Variants in PIK3C2G observed in about 807,000 individuals in gnomAD.
PIK3C2G encodes the protein phosphatidylinositol 3-kinase C2 domain-containing subunit gamma.
A neutral mutation model predicts 181.1 loss-of-function variants in PIK3C2G; 168 were observed. The observed-to-expected ratio is 0.93, with a 90% CI of 0.82 to 1.05. The LOEUF (loss-of-function observed/expected upper bound fraction) is 1.05. Among genes scored for constraint, PIK3C2G ranks in the 50% least tolerant of loss-of-function variants. PIK3C2G has a pLI of 0.00. For synonymous variants in PIK3C2G, 573 were observed against 592.2 expected (o/e 0.97, Z 0.47); for missense variants, 1,869 against 1,732.8 (o/e 1.08, Z -1.40).
intron 30 of PIK3C2G, chr12:18,607,143 A>G (rs930632356): frequency 2.1e-5 from 11 of 516,478 alleles, no homozygotes; most frequent in African/African-American, 1.9e-4. Context: ...AGATGACCAC[A>G]CAAACTATTT....
intron 11 of PIK3C2G, among the ~76,000 whole-genome samples, chr12:18,349,711 T>G (rs1020650818): frequency 6.6e-6 from 1 of 152,162 alleles, no homozygotes; most frequent in East Asian, 1.9e-4. Context: ...TGAGATAAAT[T>G]TATCGTTTTG....
At chr12:18,599,809 T>C (rs1947609292) in intron 30 of PIK3C2G, among the ~76,000 whole-genome samples, 1 of 151,844 alleles carries the variant, frequency 6.6e-6, no homozygotes, top group Non-Finnish European at 1.5e-5. Context: ...GTCACAATCT[T>C]GATGAAGAAA....
chr12:18,655,292 A>G, the PIK3C2G span, among the ~76,000 whole-genome samples: 2 of 152,312 alleles, frequency 1.3e-5, no homozygotes, highest in East Asian at 3.9e-4. Context: ...TCCCAAAGAC[A>G]CAGGAGCCAA....
the PIK3C2G span, chr12:18,713,114 A>C: frequency 7.8e-7 from 1 of 1,276,188 alleles, no homozygotes; most frequent in Non-Finnish European, 1.1e-6. Flanking sequence ...AAACTCTATA[A>C]AAACTTGTCT....
At chr12:18,642,906 C>G (rs891870438) in intron 32 of PIK3C2G, among the ~76,000 whole-genome samples, 1 of 151,620 alleles carries the variant, frequency 6.6e-6, no homozygotes, top group Non-Finnish European at 1.5e-5. Flanking sequence ...AATATTTTGA[C>G]ACTATTATTT....
chr12:18,435,599 G>T (rs891526852), intron 18 of PIK3C2G, among the ~76,000 whole-genome samples: 1 of 151,994 alleles, frequency 6.6e-6, no homozygotes, highest in African/African-American at 2.4e-5. Flanking sequence ...ACATGACTTG[G>T]CAATGGAGCT....
chr12:18,361,308 T>G (rs963773476), intron 11 of PIK3C2G, among the ~76,000 whole-genome samples: 4 of 152,204 alleles, frequency 2.6e-5, no homozygotes, highest in Non-Finnish European at 4.4e-5. Context: ...ATTTTATTCA[T>G]CCATAATTTT....
At chr12:18,262,505 A>C (rs900339629) in intron 1 of PIK3C2G, among the ~76,000 whole-genome samples, 3 of 151,648 alleles carry the variant, frequency 2.0e-5, no homozygotes, top group African/African-American at 7.3e-5. Flanking sequence ...CATGTTATTT[A>C]TTCTCCACGC....
Position 18,597,497 on chromosome 12 carries a change from A to G in PIK3C2G, c.4087+2928A>G, listed in dbSNP as rs547162313. ...TAATCTATTATATTAATAAGTATAA[A>G]TGGGCTTAACTCATCTATTAAGGAA... is the stretch of plus-strand genomic sequence containing the variant. On this transcript the variant is annotated intron_variant, in intron 30 of 32. Coordinates refer to ENST00000538779, the MANE Select transcript of PIK3C2G (RefSeq NM_001288772.2). Among the ~76,000 whole-genome samples the G allele has an allele frequency of 3.9e-5, 6 of 152,244 alleles. No individual in the cohort carries two copies. The South Asian group carries it at 1.2e-3, about 32-fold the overall frequency.
At chr12:18,464,077 A>T (rs895958848) in intron 18 of PIK3C2G, among the ~76,000 whole-genome samples, 3 of 152,082 alleles carry the variant, frequency 2.0e-5, no homozygotes, top group African/African-American at 7.2e-5. Context: ...TAAATTGTGG[A>T]TTTGTGGAGT....
chr12:18,370,585 T>C (rs1214279478), intron 12 of PIK3C2G, among the ~76,000 whole-genome samples: 2 of 152,182 alleles, frequency 1.3e-5, no homozygotes, highest in Non-Finnish European at 2.9e-5. Context: ...TTGAAATTCT[T>C]TTGCCTGGCA....
intron 9 of PIK3C2G, among the ~76,000 whole-genome samples, chr12:18,338,805 T>A (rs1938831525): frequency 1.3e-5 from 2 of 151,594 alleles, no homozygotes; most frequent in South Asian, 4.2e-4. Flanking sequence ...GAACACTGAT[T>A]ACACCTTTGA....
In PIK3C2G at chr12:18,562,711, A is replaced by C; in HGVS notation, c.3599A>C (p.Lys1200Thr). Residue 1200 changes from lysine to threonine, a missense_variant, in exon 27 of 33, where the codon AAG (lysine) becomes ACG (threonine). Coordinates refer to ENST00000538779, the MANE Select transcript of PIK3C2G (RefSeq NM_001288772.2). ...CTTTTACATTTCTCTAGGAAAATAA[A>C]GGAAAGTCTGGAGTGTTTCCCTGTT... ...EATSHFTKKI[K>T]ESLECFPVKL... The C allele has an allele frequency of 1.9e-6, 3 of 1,581,616 alleles. No individual in the cohort carries two copies. Among genetic ancestry groups the C allele is most frequent in the Non-Finnish European group, 2.6e-6 (3 of 1,158,330 alleles).
At chr12:18,719,663 G>T in the PIK3C2G span, 15 of 1,481,734 alleles carry the variant, frequency 1.0e-5, no homozygotes, top group Non-Finnish European at 1.3e-5. Context: ...AAGTTAAAAG[G>T]ATGCAAAAAT....
intron 30 of PIK3C2G, among the ~76,000 whole-genome samples, chr12:18,605,669 G>T (rs1370106978): frequency 6.6e-6 from 1 of 152,082 alleles, no homozygotes; most frequent in East Asian, 1.9e-4. Flanking sequence ...ACTATAAATG[G>T]TTAATCTAAG....
At chr12:18,346,962 T>G in intron 11 of PIK3C2G, 126 bp downstream of exon 11, 1 of 474,730 alleles carries the variant, frequency 2.1e-6, no homozygotes, top group South Asian at 5.7e-5. Flanking sequence ...ATCAGCATAG[T>G]TTTATCCATA....
At chr12:18,315,566 C>T (rs1022568707) in intron 6 of PIK3C2G, among the ~76,000 whole-genome samples, 4 of 152,122 alleles carry the variant, frequency 2.6e-5, no homozygotes, top group East Asian at 1.9e-4. Flanking sequence ...ACTCTTGTAA[C>T]TCTATTATTC....
At chr12:18,590,353 A>G (rs184821130) in intron 29 of PIK3C2G, among the ~76,000 whole-genome samples, 93 of 152,036 alleles carry the variant, frequency 6.1e-4, no homozygotes, top group African/African-American at 2.1e-3. Flanking sequence ...TACCCAGGTA[A>G]ATTTGAATTT....
rs943114964 is a variant in PIK3C2G at position 18,484,846 on chromosome 12, T to C, written c.2505-3603T>C. Among the ~76,000 whole-genome samples, 3 of 152,336 alleles carry C rather than the reference T, an allele frequency of 2.0e-5. No individual in the cohort carries two copies. The South Asian group carries it at 6.2e-4, about 32-fold the overall frequency. On this transcript the variant is annotated intron_variant, in intron 18 of 32. Coordinates refer to ENST00000538779, the MANE Select transcript of PIK3C2G (RefSeq NM_001288772.2). ...ATTATATTTTAGTTATTGAATTGTA[T>C]TCTTTATTTGTCCCAGAGTTCTAAA... is the stretch of plus-strand genomic sequence containing the variant.
Sources: gnomAD v4.1 joint callset for allele counts (sites outside exome capture counted in the v4.1 genomes callset) on GRCh38, gnomAD v4.1.1 for gene constraint, MANE v1.5 for transcripts, NCBI Gene and HGNC (gene_info 2026-07-23, HGNC 2026-07-21) for gene names.